ARHGEF18: variants seen among roughly 807,000 people sequenced by gnomAD.
ARHGEF18 encodes Rho/Rac guanine nucleotide exchange factor 18, also known as rho guanine nucleotide exchange factor 18.
In ARHGEF18, 93 loss-of-function variants were observed where a neutral mutation model predicts 155.7. That is an observed-to-expected ratio of 0.60 (90% confidence interval 0.50 to 0.71). ARHGEF18 has a LOEUF of 0.71. Ranked by LOEUF, ARHGEF18 falls within the 30% of genes least tolerant of loss-of-function variation. The pLI, the probability that ARHGEF18 is intolerant of heterozygous loss-of-function variation, is 0.00. For synonymous variants in ARHGEF18, 742 were observed against 753.1 expected (o/e 0.99, Z 0.24); for missense variants, 1,593 against 1,816.1 (o/e 0.88, Z 2.23).
chr19:7,359,085 C>G (rs1420818597), intron 1 of ARHGEF18, among the ~76,000 whole-genome samples: 1 of 152,096 alleles, frequency 6.6e-6, no homozygotes, highest in Non-Finnish European at 1.5e-5. Context: ...AGGAACAGCA[C>G]AGAGATACCA....
At chr19:7,461,645 A>G (rs759895926) in intron 20 of ARHGEF18, among the ~76,000 whole-genome samples, 2 of 152,148 alleles carry the variant, frequency 1.3e-5, no homozygotes, top group African/African-American at 2.4e-5. Flanking sequence ...GCCTGATACA[A>G]TCCTCACTCA....
chr19:7,418,908 T>C (rs1973164763), intron 10 of ARHGEF18, among the ~76,000 whole-genome samples: 1 of 151,906 alleles, frequency 6.6e-6, no homozygotes, highest in Admixed American at 6.6e-5. Flanking sequence ...CTGGCGCCTG[T>C]TCAGTAAGCA....
At chr19:7,363,701 GTGGA>G (rs1969736543) in intron 2 of ARHGEF18, among the ~76,000 whole-genome samples, 1 of 150,842 alleles carries the variant, frequency 6.6e-6, no homozygotes, top group Non-Finnish European at 1.5e-5. Context: ...AGAAATGTGA[GTGGA>G]AGGAAGGAAG....
chr19:7,456,576 G>C (rs944582375), intron 18 of ARHGEF18, among the ~76,000 whole-genome samples, 173 bp downstream of exon 18: 20 of 152,044 alleles, frequency 1.3e-4, no homozygotes, highest in African/African-American at 4.6e-4. Context: ...AATTAGCCGG[G>C]CATGGTGGCC....
At chr19:7,442,112 C>CCCTTCCTCCCTCCCTTCCTT in intron 13 of ARHGEF18, 60 bp downstream of exon 13, 6 of 1,565,904 alleles carry the variant, frequency 3.8e-6, no homozygotes, top group Non-Finnish European at 5.2e-6. Context: ...TCTGCTCCCT[C>CCCTTCCTCCCTCCCTTCCTT]CCTTCCTCCC....
At chr19:7,441,587 G>A (rs1387419433) in intron 11 of ARHGEF18, 66 bp from the exon 12 acceptor site, 10 of 1,258,824 alleles carry the variant, frequency 7.9e-6, no homozygotes, top group Non-Finnish European at 1.2e-5. Flanking sequence ...ATGTGCCTTT[G>A]TTGCATGAGG....
At chr19:7,391,863 A>G (rs746136064) in intron 10 of ARHGEF18, among the ~76,000 whole-genome samples, 5 of 151,574 alleles carry the variant, frequency 3.3e-5, no homozygotes, top group Non-Finnish European at 7.4e-5. Flanking sequence ...CTAATTGTCG[A>G]AAGTGCCAAG....
intron 10 of ARHGEF18, among the ~76,000 whole-genome samples, chr19:7,431,534 G>C (rs192715252): frequency 1.0e-5 from 1 of 95,830 alleles, no homozygotes; most frequent in African/African-American, 4.5e-5. Context: ...AAAAAAAAAA[G>C]GCCGGGCTCA....
intron 10 of ARHGEF18, among the ~76,000 whole-genome samples, chr19:7,423,249 G>A (rs777957058): frequency 2.2e-4 from 33 of 152,114 alleles, no homozygotes; most frequent in Middle Eastern, 3.2e-3. Flanking sequence ...AGCTGTTTGA[G>A]TATTCGGGTT....
At chr19:7,361,991 GGAAGAAGAAGAAGAA>G (rs1185709548) in intron 1 of ARHGEF18, among the ~76,000 whole-genome samples, 4 of 79,214 alleles carry the variant, frequency 5.0e-5, no homozygotes, top group South Asian at 4.8e-4. Flanking sequence ...AAGACTCTGT[GGAAGAAGAAGAAGAA>G]GAAGAAGAAG....
At chr19:7,377,202 C>T in intron 5 of ARHGEF18, among the ~76,000 whole-genome samples, 1 of 152,072 alleles carries the variant, frequency 6.6e-6, no homozygotes, top group East Asian at 1.9e-4. Flanking sequence ...TCCCAAGTAG[C>T]TGGGACTACA....
chr19:7,430,737 C>T (rs904633325), intron 10 of ARHGEF18, among the ~76,000 whole-genome samples: 1 of 152,082 alleles, frequency 6.6e-6, no homozygotes, highest in Admixed American at 6.6e-5. Flanking sequence ...CCCAGGAATT[C>T]GTAACTGCGG....
At chr19:7,362,557 C>G (rs1186593752) in intron 1 of ARHGEF18, among the ~76,000 whole-genome samples, 1 of 152,178 alleles carries the variant, frequency 6.6e-6, no homozygotes, top group Non-Finnish European at 1.5e-5. Context: ...GAAATTGACT[C>G]ATGATTGACT....
chr19:7,362,328 G>GGAGGAGGAGGAGGAA (rs958567140), intron 1 of ARHGEF18, among the ~76,000 whole-genome samples: 2 of 128,994 alleles, frequency 1.6e-5, no homozygotes, highest in East Asian at 4.2e-4. Flanking sequence ...GGAAGAAGGT[G>GGAGGAGGAGGAGGAA]GAGGAGGAGG....
chr19:7,390,278 G>T (rs1396552738), intron 10 of ARHGEF18, among the ~76,000 whole-genome samples: 1 of 152,146 alleles, frequency 6.6e-6, no homozygotes, highest in Non-Finnish European at 1.5e-5. Flanking sequence ...AGACCAAGGT[G>T]GGAGGATCAC....
intron 3 of ARHGEF18, among the ~76,000 whole-genome samples, chr19:7,374,847 C>T (rs1600222185): frequency 6.6e-6 from 1 of 152,130 alleles, no homozygotes; most frequent in African/African-American, 2.4e-5. Flanking sequence ...ATGAAGCCAC[C>T]ATGCAGTTAT....
At chr19:7,394,976 A>T in intron 10 of ARHGEF18, 3 of 910,914 alleles carry the variant, frequency 3.3e-6, no homozygotes, top group Non-Finnish European at 3.9e-6. Flanking sequence ...CTCAAGGCCG[A>T]GCCGACGCCC....
intron 10 of ARHGEF18, among the ~76,000 whole-genome samples, chr19:7,430,080 A>G (rs1288918489): frequency 6.6e-6 from 1 of 152,082 alleles, no homozygotes; most frequent in Non-Finnish European, 1.5e-5. Flanking sequence ...CCGCACATTA[A>G]TAACTGATGA....
chr19:7,378,797 A>G (rs1308598705), intron 6 of ARHGEF18, among the ~76,000 whole-genome samples: 1 of 142,862 alleles, frequency 7.0e-6, no homozygotes, highest in Non-Finnish European at 1.5e-5. Flanking sequence ...GGTTCAAGTG[A>G]TTCTCCTGCC....
Sources: allele counts gnomAD v4.1 joint callset (sites outside exome capture counted in the v4.1 genomes callset), GRCh38; gene constraint gnomAD v4.1.1; transcripts MANE v1.5; gene names NCBI Gene and HGNC (gene_info 2026-07-23, HGNC 2026-07-21).